SLC6A13: variants seen among roughly 807,000 people sequenced by gnomAD.
The protein encoded by SLC6A13 is solute carrier family 6 member 13.
A neutral mutation model predicts 72.9 loss-of-function variants in SLC6A13; 69 were observed. That is an observed-to-expected ratio of 0.95 (90% CI 0.78 to 1.16). The LOEUF (loss-of-function observed/expected upper bound fraction) is 1.16, where lower values mean the gene tolerates loss of function less well. Among genes scored for constraint, SLC6A13 ranks in the 50% most tolerant of loss-of-function variants. SLC6A13 has a pLI of 0.00. For synonymous variants in SLC6A13, 303 were observed against 303.0 expected (o/e 1.00, Z 0.00); for missense variants, 735 against 760.5 (o/e 0.97, Z 0.39).
At chr12:236,738 C>G (rs1176740490) in intron 6 of SLC6A13, among the ~76,000 whole-genome samples, 1 of 152,210 alleles carries the variant, frequency 6.6e-6, no homozygotes, top group Non-Finnish European at 1.5e-5. Context: ...GGCAAGAGTT[C>G]AGGAGAATTC....
At position 261,990 on chromosome 12, in the gene SLC6A13, G is replaced by A. The variant is rs1048401897; in HGVS notation, c.-6+799C>T. Among the ~76,000 whole-genome samples, 6 of 152,002 alleles carry A rather than the reference G, an allele frequency of 3.9e-5. No individual in the cohort carries two copies. In the East Asian group the frequency reaches 1.2e-3, roughly 29 times the overall value. Reference sequence around the variant, plus strand: ...ATCTATGTTTATCTGATAAATTAGGGAATGAGCTCCTTTCTACAAAGGAGA... The same window carrying A: ...ATCTATGTTTATCTGATAAATTAGGAAATGAGCTCCTTTCTACAAAGGAGA... On this transcript the variant is annotated intron_variant, in intron 1 of 14. Transcript: ENST00000343164.
chr12:240,404 C>T (rs1015930857), intron 4 of SLC6A13, among the ~76,000 whole-genome samples: 4 of 152,144 alleles, frequency 2.6e-5, no homozygotes, highest in Non-Finnish European at 4.4e-5. Flanking sequence ...GGGGTTTCAT[C>T]GTCTTGCCCA....
intron 7 of SLC6A13, 88 bp from the exon 8 acceptor site, chr12:227,756 G>C: frequency 8.7e-7 from 1 of 1,152,338 alleles, no homozygotes; most frequent in Non-Finnish European, 1.2e-6. Flanking sequence ...GGCTGAGCCA[G>C]ACACTGGCTA....
At chr12:253,728 T>C (rs1411038644) in intron 2 of SLC6A13, 1 of 152,332 alleles carries the variant, frequency 6.6e-6, no homozygotes, top group Admixed American at 6.5e-5. Context: ...TGAAGGCCCG[T>C]GTTCTGAAGC....
At chr12:223,042 T>C (rs866988208) in intron 12 of SLC6A13, 90 bp downstream of exon 12, 3 of 778,096 alleles carry the variant, frequency 3.9e-6, no homozygotes, top group Middle Eastern at 3.8e-4. Flanking sequence ...AAAAGTTAAG[T>C]GCGAGCAGTA....
chr12:237,325 T>C, intron 5 of SLC6A13, 35 bp from the exon 6 acceptor site: 1 of 1,610,606 alleles, frequency 6.2e-7, no homozygotes, highest in Admixed American at 1.7e-5. Context: ...GCTTACTTTT[T>C]CTGCCAGCCT....
Position 260,049 on chromosome 12 carries a change from C to G in SLC6A13, c.4G>C (p.Asp2His). The change falls in exon 2 of 15, where the codon GAT becomes CAT. Residue 2 changes from aspartate (D) to histidine (H), a missense_variant. By Grantham distance (81) the Asp-to-His change is moderately conservative. Coordinates refer to ENST00000343164, the MANE Select transcript of SLC6A13 (RefSeq NM_016615.5). M[D>H]SRVSGTTSNG... is the part of the protein sequence containing the mutation. ...CTGGTTGTGCCTGAGACCCTGCTAT[C>G]CATCCCACCTGGAAAACAAGTGGGA... The G allele has an allele frequency of 6.2e-7, 1 of 1,611,964 alleles. No individual in the cohort carries two copies. Among genetic ancestry groups the G allele is most frequent in the Non-Finnish European group, 8.5e-7 (1 of 1,178,184 alleles).
chr12:224,942 C>T (rs1348473124), intron 9 of SLC6A13, among the ~76,000 whole-genome samples: 4 of 152,118 alleles, frequency 2.6e-5, no homozygotes, highest in African/African-American at 9.7e-5. Flanking sequence ...CAGCTCCTCG[C>T]GATGTTCCGT....
intron 7 of SLC6A13, among the ~76,000 whole-genome samples, chr12:228,483 G>A (rs1394614161): frequency 6.6e-6 from 1 of 152,118 alleles, no homozygotes; most frequent in African/African-American, 2.4e-5. Context: ...TTCCTCATGT[G>A]TCTGTGTTCC....
intron 2 of SLC6A13, among the ~76,000 whole-genome samples, chr12:257,759 A>G (rs1472073535): frequency 6.6e-6 from 1 of 151,972 alleles, no homozygotes; most frequent in Non-Finnish European, 1.5e-5. Flanking sequence ...AGAGTCCCTC[A>G]TCCCCCACGT....
intron 13 of SLC6A13, 91 bp from the exon 14 acceptor site, chr12:221,637 C>G: frequency 3.6e-6 from 3 of 836,450 alleles, no homozygotes; most frequent in Middle Eastern, 2.6e-4. Context: ...CAGAAATCAC[C>G]CTCCAAGCCT....
chr12:237,026 G>A (rs1941957664), intron 6 of SLC6A13, 132 bp downstream of exon 6: 2 of 953,558 alleles, frequency 2.1e-6, no homozygotes, highest in Non-Finnish European at 3.2e-6. Flanking sequence ...AAGGAAGGGA[G>A]CCACATCAAA....
rs775007729 is a variant in SLC6A13 at position 235,148 on chromosome 12, G to T, written c.773C>A (p.Ala258Glu). The change falls in exon 7 of 15, where the codon GCA becomes GAA. Residue 258 changes from alanine to glutamate, a missense_variant. Physicochemically the swap from Ala to Glu is moderately radical, Grantham distance 107 (BLOSUM62 -1). Coordinates refer to ENST00000343164, the MANE Select transcript of SLC6A13 (RefSeq NM_016615.5). ...LLIRGVTLPG[A>E]AQGIQFYLYP... Reference sequence around the variant, plus strand: ...CAGGTAAAACTGAATTCCTTGGGCTGCCCCAGGCAACGTCACCCCTCGAAT... The same window carrying T: ...CAGGTAAAACTGAATTCCTTGGGCTTCCCCAGGCAACGTCACCCCTCGAAT... The T allele has an allele frequency of 5.0e-6, 8 of 1,614,074 alleles. No individual in the cohort carries two copies. Among genetic ancestry groups the T allele is most frequent in the African/African-American group, 2.7e-5 (2 of 74,930 alleles).
chr12:225,366 C>T (rs984227836), intron 9 of SLC6A13, among the ~76,000 whole-genome samples: 4 of 152,196 alleles, frequency 2.6e-5, no homozygotes, highest in African/African-American at 7.2e-5. Context: ...AAGTGAGACA[C>T]GGGCCAGCCA....
At chr12:257,781 C>T (rs1369291211) in intron 2 of SLC6A13, among the ~76,000 whole-genome samples, 1 of 152,162 alleles carries the variant, frequency 6.6e-6, no homozygotes, top group Non-Finnish European at 1.5e-5. Context: ...CCAGTCACTG[C>T]TCCCCTCCAC....
chr12:226,554 C>G (rs749515961), intron 8 of SLC6A13, 40 bp from the exon 9 acceptor site: 1 of 1,597,960 alleles, frequency 6.3e-7, no homozygotes, highest in Non-Finnish European at 8.5e-7. Context: ...ATGGCAGGGT[C>G]AGAACAGGGC....
chr12:242,493 C>T lies in SLC6A13; in HGVS notation c.478+121G>A. ...TGATCTTATTCTTGACATAAGCTCT[C>T]CATGGTCGACTTGGGTGATTTCTGG... On this transcript the variant is annotated intron_variant, in intron 4 of 14. Transcript: ENST00000343164. The T allele has an allele frequency of 3.9e-6, 3 of 761,988 alleles. No individual in the cohort carries two copies. The South Asian group carries it at 8.6e-5, about 22-fold the overall frequency. 47.2% of individuals were successfully genotyped at this position (761,988 alleles called of 1,614,324 possible). A position where few individuals can be genotyped will look rare whatever the true frequency, so the allele number is the denominator to read the frequency against.
chr12:260,717 A>G (rs1009650331), intron 1 of SLC6A13, among the ~76,000 whole-genome samples: 2 of 152,244 alleles, frequency 1.3e-5, no homozygotes, highest in African/African-American at 4.8e-5. Flanking sequence ...GGGTGCTCAC[A>G]ATATATAGTA....
rs1265835615 is a variant in SLC6A13, at chr12:223,144, C to A, written c.1402G>T (p.Ala468Ser). The change falls in exon 12 of 15, where the codon GCT becomes TCT. Residue 468 changes from alanine to serine, a missense_variant. Ala to Ser is a moderately conservative substitution (Grantham distance 99). Transcript: ENST00000343164. ...AGGAGTCACTCACCGTAAACCCAAG[C>A]CACACAGAGGGACTCGAAGATGGCC... is the stretch of plus-strand genomic sequence containing the variant. ...FVAIFESLCVAWVYGAKRFYD... is the reference protein window; with the variant it reads ...FVAIFESLCVSWVYGAKRFYD... The A allele has an allele frequency of 3.7e-6, 6 of 1,610,950 alleles. No homozygotes were observed. The highest frequency in any genetic ancestry group is 5.1e-6 in the Non-Finnish European group (6 of 1,177,326).
Sources: allele counts gnomAD v4.1 joint callset (sites outside exome capture counted in the v4.1 genomes callset), GRCh38; gene constraint gnomAD v4.1.1; transcripts MANE v1.5; gene names NCBI Gene and HGNC (gene_info 2026-07-23, HGNC 2026-07-21).